F2R: variants seen among roughly 807,000 people sequenced by gnomAD.
F2R encodes coagulation factor II thrombin receptor.
Under a neutral mutation model 18.3 loss-of-function variants are expected in F2R, and 12 were observed. That is an observed-to-expected ratio of 0.66 (90% CI 0.42 to 1.06). The LOEUF (loss-of-function observed/expected upper bound fraction) is 1.06, where lower values mean the gene tolerates loss of function less well. Ranked by LOEUF, F2R falls within the 50% of genes least tolerant of loss-of-function variation. The pLI is 0.00. For missense variants in F2R, 438 were observed against 530.8 expected, an observed-to-expected ratio of 0.83 and a Z score of 1.72; for synonymous variants, 210 against 219.9, an observed-to-expected ratio of 0.95 and a Z score of 0.40.
rs146213996 is a variant in F2R, at chr5:76,719,904, C to T, written c.88+3509C>T. On this transcript the variant is annotated intron_variant, in intron 1 of 1. Coordinates refer to ENST00000319211, the MANE Select transcript of F2R (RefSeq NM_001992.5). ...TCGCTAACAGATGATAAGGCAGGCTCTGAAAAGATCCCTGCTCATGAATAC... is the reference window on the plus strand; with the variant it reads ...TCGCTAACAGATGATAAGGCAGGCTTTGAAAAGATCCCTGCTCATGAATAC... 3.5e-3 allele frequency among the ~76,000 whole-genome samples: 532 copies of T among 152,270 alleles called. 2 individuals are homozygous for T. The highest frequency in any genetic ancestry group is 0.012 in the African/African-American group (507 of 41,574).
intron 1 of F2R, among the ~76,000 whole-genome samples, chr5:76,726,477 G>A (rs2150581950): frequency 6.6e-6 from 1 of 152,078 alleles, no homozygotes; most frequent in South Asian, 2.1e-4. Flanking sequence ...TTAGCAGTGA[G>A]CCGAGATAGA....
At chr5:76,728,912 A>G (rs1433315454) in intron 1 of F2R, among the ~76,000 whole-genome samples, 1 of 152,166 alleles carries the variant, frequency 6.6e-6, no homozygotes, top group East Asian at 1.9e-4. Flanking sequence ...GCTGGTCTCA[A>G]ACTCCTGACC....
At chr5:76,728,555 C>T (rs1748612893) in intron 1 of F2R, among the ~76,000 whole-genome samples, 1 of 152,100 alleles carries the variant, frequency 6.6e-6, no homozygotes, top group Admixed American at 6.5e-5. Flanking sequence ...AATAGTATTC[C>T]ACTGTGTATA....
Position 76,732,469 on chromosome 5 carries a change from A to G in F2R, c.244A>G (p.Lys82Glu). 6.2e-7 allele frequency: 1 copy of G among 1,614,170 alleles called. No individual in the cohort carries two copies. Among genetic ancestry groups the G allele is most frequent in the African/African-American group, 1.3e-5 (1 of 75,024 alleles). Reference sequence around the variant, plus strand: ...CATCAATAAAAGCAGTCCTCTTCAAAAACAACTTCCTGCATTCATCTCAGA... The same window carrying G: ...CATCAATAAAAGCAGTCCTCTTCAAGAACAACTTCCTGCATTCATCTCAGA... Reference protein sequence around the residue: ...VSINKSSPLQKQLPAFISEDA... With the variant: ...VSINKSSPLQEQLPAFISEDA... The change falls in exon 2 of 2, where the codon AAA (lysine) becomes GAA (glutamate). Residue 82 changes from lysine to glutamate, a missense_variant. Lys to Glu is a moderately conservative substitution (Grantham distance 56). Transcript: ENST00000319211.
At chr5:76,729,429 G>A (rs1476558860) in intron 1 of F2R, among the ~76,000 whole-genome samples, 1 of 152,120 alleles carries the variant, frequency 6.6e-6, no homozygotes, top group East Asian at 1.9e-4. Context: ...CGTATGGTTT[G>A]CAAATATTTG....
Position 76,733,287 on chromosome 5 carries a change from C to G in F2R, c.1062C>G (p.Leu354=), listed in dbSNP as rs199698855. 8.1e-5 allele frequency: 130 copies of G among 1,614,196 alleles called. No homozygotes were observed. In the African/African-American group the frequency reaches 1.2e-3, roughly 15 times the overall value. Reference sequence around the variant, plus strand: ...CAGAGGCTGCCTACTTTGCCTACCTCCTCTGTGTCTGTGTCAGCAGCATAA... The same window carrying G: ...CAGAGGCTGCCTACTTTGCCTACCTGCTCTGTGTCTGTGTCAGCAGCATAA... The part of the protein sequence containing the change: ...STTEAAYFAY[L]LCVCVSSISC... Residue 354 remains leucine (L), a synonymous_variant, in exon 2 of 2, where the codon CTC becomes CTG. Transcript: ENST00000319211.
chr5:76,721,234 A>T (rs1395642409), intron 1 of F2R, among the ~76,000 whole-genome samples: 1 of 151,682 alleles, frequency 6.6e-6, no homozygotes, highest in Non-Finnish European at 1.5e-5. Flanking sequence ...AGTGTTGAGG[A>T]CTCCATAGTT....
Position 76,732,806 on chromosome 5 carries a change from C to T in F2R, c.581C>T (p.Thr194Ile). Residue 194 changes from threonine (T) to isoleucine (I), a missense_variant, in exon 2 of 2, where the codon ACA (threonine) becomes ATA (isoleucine). Thr to Ile is a moderately conservative substitution (Grantham distance 89, BLOSUM62 -1). Coordinates refer to ENST00000319211, the MANE Select transcript of F2R (RefSeq NM_001992.5). The stretch of plus-strand genomic sequence containing the variant: ...ATGTACGCCTCTATCTTGCTCATGA[C>T]AGTCATAAGCATTGACCGGTTTCTG... The part of the protein sequence containing the change: ...CNMYASILLM[T>I]VISIDRFLAV... The T allele has an allele frequency of 5.0e-6, 8 of 1,614,184 alleles. No homozygotes were observed. The highest frequency in any genetic ancestry group is 6.8e-6 in the Non-Finnish European group (8 of 1,180,050).
chr5:76,719,590 A>C (rs1426492761), intron 1 of F2R, among the ~76,000 whole-genome samples: 1 of 144,768 alleles, frequency 6.9e-6, no homozygotes, highest in Non-Finnish European at 1.5e-5. Flanking sequence ...CTCTCTCTCA[A>C]AAAAAAAAAG....
chr5:76,717,412 G>C (rs1012239547), intron 1 of F2R, among the ~76,000 whole-genome samples: 2 of 152,002 alleles, frequency 1.3e-5, no homozygotes, highest in Non-Finnish European at 2.9e-5. Flanking sequence ...GTTCTAGCGG[G>C]TTTTCTTGTT....
At chr5:76,728,622 A>G (rs1748613969) in intron 1 of F2R, among the ~76,000 whole-genome samples, 1 of 151,476 alleles carries the variant, frequency 6.6e-6, no homozygotes, top group African/African-American at 2.4e-5. Flanking sequence ...GTTTGATTCC[A>G]TAACTGGGCT....
Position 76,733,216 on chromosome 5 carries a change from G to A in F2R, c.991G>A (p.Val331Ile), listed in dbSNP as rs781154559. Residue 331 changes from valine (V) to isoleucine (I), a missense_variant, in exon 2 of 2, where the codon GTC becomes ATC. Val to Ile is a conservative substitution (Grantham distance 29). Transcript: ENST00000319211. ...CATCATTTGCTTCGGACCCACAAACGTCCTCCTGATTGCGCATTACTCATT... is the reference window on the plus strand; with the variant it reads ...CATCATTTGCTTCGGACCCACAAACATCCTCCTGATTGCGCATTACTCATT... ...IFIICFGPTN[V>I]LLIAHYSFLS... is the part of the protein sequence containing the mutation. The A allele has an allele frequency of 5.6e-6, 9 of 1,614,100 alleles. No homozygotes were observed. Among genetic ancestry groups the A allele is most frequent in the Non-Finnish European group, 6.8e-6 (8 of 1,180,036 alleles).
intron 1 of F2R, among the ~76,000 whole-genome samples, chr5:76,717,710 A>G (rs538354753): frequency 6.6e-6 from 1 of 152,268 alleles, no homozygotes; most frequent in South Asian, 2.1e-4. Flanking sequence ...ACATACCATT[A>G]TGTAATTTGC....
In F2R at chr5:76,733,285, C is replaced by T. The variant is rs372280945; in HGVS notation, c.1060C>T (p.Leu354Phe). The part of the protein sequence containing the change: ...STTEAAYFAY[L>F]LCVCVSSISC... ...CACAGAGGCTGCCTACTTTGCCTAC[C>T]TCCTCTGTGTCTGTGTCAGCAGCAT... The change falls in exon 2 of 2, where the codon CTC becomes TTC. Residue 354 changes from leucine to phenylalanine, a missense_variant. Transcript: ENST00000319211. The T allele has an allele frequency of 6.2e-6, 10 of 1,614,088 alleles. No individual in the cohort carries two copies. The highest frequency in any genetic ancestry group is 5.3e-5 in the African/African-American group (4 of 74,940).
At chr5:76,729,979 G>C (rs531267042) in intron 1 of F2R, among the ~76,000 whole-genome samples, 44 of 152,254 alleles carry the variant, frequency 2.9e-4, no homozygotes, top group Non-Finnish European at 5.7e-4. Flanking sequence ...GATGTGACTT[G>C]CTCCTCCTTA....
intron 1 of F2R, among the ~76,000 whole-genome samples, chr5:76,728,685 C>CTGTT (rs1748615499): frequency 1.1e-5 from 1 of 90,508 alleles, no homozygotes. Flanking sequence ...ACATCCTGGT[C>CTGTT]TTTTTTTTTT....
intron 1 of F2R, among the ~76,000 whole-genome samples, chr5:76,730,811 T>G (rs1748655142): frequency 6.6e-6 from 1 of 152,208 alleles, no homozygotes; most frequent in African/African-American, 2.4e-5. Flanking sequence ...TAAGGCCCCC[T>G]GCTCAGATTC....
intron 1 of F2R, among the ~76,000 whole-genome samples, chr5:76,728,703 T>C (rs958769405): frequency 1.4e-5 from 2 of 147,660 alleles, no homozygotes; most frequent in Non-Finnish European, 3.0e-5. Flanking sequence ...TTTTTTTTTT[T>C]TTTTTGAGAT....
intron 1 of F2R, among the ~76,000 whole-genome samples, chr5:76,728,081 AT>A (rs931711758): frequency 8.5e-5 from 13 of 152,080 alleles, no homozygotes; most frequent in African/African-American, 3.1e-4. Flanking sequence ...TTGACAAAAA[AT>A]TATATATATT....
Sources: gnomAD v4.1 joint callset for allele counts (sites outside exome capture counted in the v4.1 genomes callset) on GRCh38, gnomAD v4.1.1 for gene constraint, MANE v1.5 for transcripts, NCBI Gene and HGNC (gene_info 2026-07-23, HGNC 2026-07-21) for gene names.